RRM2: variants seen among roughly 807,000 people sequenced by gnomAD.
RRM2 encodes the protein ribonucleoside-diphosphate reductase subunit M2.
RRM2 carries 6 observed loss-of-function variants against 45.9 expected under a neutral mutation model. The ratio of observed to expected loss-of-function variants is 0.13; its 90% CI spans 0.07 to 0.26. RRM2 has a LOEUF of 0.26. RRM2 is among the 10% of genes least tolerant of loss of function. The pLI, the probability that RRM2 is intolerant of heterozygous loss-of-function variation, is 1.00. For synonymous variants in RRM2, 177 were observed against 173.0 expected, an observed-to-expected ratio of 1.02 and a Z score of -0.18; for missense variants, 343 against 489.5, an observed-to-expected ratio of 0.70 and a Z score of 2.82.
At position 10,206,344 on chromosome 2, in the gene RRM2, A is replaced by G. The variant is rs1264295750; in HGVS notation, n.483-3967A>G. ...AAGAAATGAAAAGGTATCTATCTGC[A>G]TAAAAAGACTTGAATAAGATTTTTC... On this transcript the variant is annotated intron_variant and non_coding_transcript_variant, in intron 3 of 3. Coordinates refer to the RRM2 transcript ENST00000381786. 3.3e-5 allele frequency among the ~76,000 whole-genome samples: 5 copies of G among 152,174 alleles called. No individual in the cohort carries two copies. The South Asian group carries it at 1.0e-3, about 31-fold the overall frequency.
intron 3 of RRM2, among the ~76,000 whole-genome samples, chr2:10,143,722 C>T (rs1376730017): frequency 6.6e-6 from 1 of 152,050 alleles, no homozygotes; most frequent in Non-Finnish European, 1.5e-5. Context: ...CCAGGTGGTA[C>T]AGTGGTACGA....
At chr2:10,161,908 A>G (rs1225343080) in intron 3 of RRM2, among the ~76,000 whole-genome samples, 2 of 152,332 alleles carry the variant, frequency 1.3e-5, no homozygotes, top group East Asian at 3.9e-4. Context: ...GAGGCGCTCA[A>G]ATTAAAATTA....
chr2:10,174,881 A>G (rs1043369496), intron 3 of RRM2, among the ~76,000 whole-genome samples: 1 of 151,756 alleles, frequency 6.6e-6, no homozygotes, highest in African/African-American at 2.4e-5. Context: ...AAAAAAAAAA[A>G]AAGAAAAAAT....
intron 3 of RRM2, among the ~76,000 whole-genome samples, chr2:10,190,089 A>G (rs113097212): frequency 6.0e-5 from 7 of 116,654 alleles, no homozygotes; most frequent in African/African-American, 6.7e-5. Context: ...GGTGGTGGTG[A>G]TGGTACTGAT....
rs1166352726 is a variant in RRM2, at chr2:10,172,212, C to CT, written n.482+29838dup. ...TTGCAAGGGGTGAGATTTCTCTGCT[C>CT]TAAGTCATGGGTGCTGAGGCCCACC... On this transcript the variant is annotated intron_variant and non_coding_transcript_variant, in intron 3 of 3. Transcript: ENST00000381786. The surrounding 1 kb of genome is among the most constrained non-coding windows in gnomAD (Gnocchi z 4.9). Among the ~76,000 whole-genome samples, 1 of 152,084 alleles carries CT rather than the reference C, an allele frequency of 6.6e-6. No individual in the cohort carries two copies. Among genetic ancestry groups the CT allele is most frequent in the Non-Finnish European group, 1.5e-5 (1 of 68,026 alleles).
intron 3 of RRM2, among the ~76,000 whole-genome samples, chr2:10,199,734 C>T (rs900320304): frequency 1.8e-4 from 23 of 129,266 alleles, no homozygotes; most frequent in African/African-American, 4.3e-4. Context: ...GAACTGAGAT[C>T]GTGCCACTGC....
chr2:10,128,966 T>A lies in RRM2; in HGVS notation c.903+14T>A, dbSNP rs562648012. 3 of 1,609,890 alleles carry A rather than the reference T, an allele frequency of 1.9e-6. No individual in the cohort carries two copies. In the East Asian group the frequency reaches 6.7e-5, roughly 36 times the overall value. On this transcript the variant is annotated intron_variant, in intron 8 of 9. Coordinates refer to ENST00000304567, the MANE Select transcript of RRM2 (RefSeq NM_001034.4). ...CGGATAGAACAGGTAAAGTGGGTGATGAAATGGGTCACTCAAGCTTGCTAG... is the reference window on the plus strand; with the variant it reads ...CGGATAGAACAGGTAAAGTGGGTGAAGAAATGGGTCACTCAAGCTTGCTAG...
At chr2:10,144,795 G>T (rs116278128) in intron 3 of RRM2, among the ~76,000 whole-genome samples, 1 of 152,144 alleles carries the variant, frequency 6.6e-6, no homozygotes, top group African/African-American at 2.4e-5. Context: ...TGCACTTGCC[G>T]TCAGTAAATG....
intron 3 of RRM2, among the ~76,000 whole-genome samples, chr2:10,177,681 T>TCCTTCCTC (rs1663947182): frequency 6.7e-6 from 1 of 148,732 alleles, no homozygotes; most frequent in South Asian, 2.1e-4. Context: ...CTTCCTTCCT[T>TCCTTCCTC]CCTTCCTTCC....
intron 3 of RRM2, among the ~76,000 whole-genome samples, chr2:10,178,993 G>A (rs1309859573): frequency 1.3e-5 from 2 of 152,166 alleles, no homozygotes; most frequent in African/African-American, 2.4e-5. Flanking sequence ...CCAGAGCTGT[G>A]AGCAATAAGT....
chr2:10,161,567 CTATT>C (rs1663555454), intron 3 of RRM2, among the ~76,000 whole-genome samples: 1 of 152,086 alleles, frequency 6.6e-6, no homozygotes, highest in Non-Finnish European at 1.5e-5. Context: ...AATACATACA[CTATT>C]TAAAAACACT....
rs1021981095 is a variant in RRM2 at position 10,169,466 on chromosome 2, G to A, written n.482+27091G>A. ...GATGTCCTCTGGTGCCAACGCAACAGAGAAGCCAGCAAAATGCTCTGCATG... is the reference window on the plus strand; with the variant it reads ...GATGTCCTCTGGTGCCAACGCAACAAAGAAGCCAGCAAAATGCTCTGCATG... On this transcript the variant is annotated intron_variant and non_coding_transcript_variant, in intron 3 of 3. Coordinates refer to the RRM2 transcript ENST00000381786. The surrounding 1 kb of genome is among the most constrained non-coding windows in gnomAD (Gnocchi z 5.1). Among the ~76,000 whole-genome samples, 5 of 152,194 alleles carry A rather than the reference G, an allele frequency of 3.3e-5. No homozygotes were observed. Among genetic ancestry groups the A allele is most frequent in the African/African-American group, 1.2e-4 (5 of 41,444 alleles).
chr2:10,138,935 C>T (rs1216640079), upstream of RRM2, among the ~76,000 whole-genome samples: 1 of 152,060 alleles, frequency 6.6e-6, no homozygotes, highest in East Asian at 1.9e-4. Context: ...TGGTGAAACC[C>T]CATCTCTACT....
At chr2:10,202,598 G>A (rs112652813) in intron 3 of RRM2, among the ~76,000 whole-genome samples, 3,165 of 151,742 alleles carry the variant, frequency 0.021, 116 homozygotes, top group African/African-American at 0.072. Flanking sequence ...GGGGTGAGAA[G>A]GTTTCTGGTC....
intron 3 of RRM2, chr2:10,192,479 G>GTC (rs773264739): frequency 6.5e-5 from 10 of 154,494 alleles, no homozygotes; most frequent in Admixed American, 2.6e-4. Context: ...CAGGACAGAG[G>GTC]TCTCTCTGCC....
intron 3 of RRM2, among the ~76,000 whole-genome samples, chr2:10,175,778 TA>T (rs1456102685): frequency 1.3e-5 from 2 of 150,744 alleles, no homozygotes; most frequent in African/African-American, 2.4e-5. Flanking sequence ...TTTTTTTTGA[TA>T]TTTTTTAATA....
upstream of RRM2, among the ~76,000 whole-genome samples, chr2:10,138,586 C>A (rs187222427): frequency 6.6e-6 from 1 of 151,862 alleles, no homozygotes; most frequent in Non-Finnish European, 1.5e-5. Context: ...CAGGTGTGAG[C>A]CACTGCACCC....
At chr2:10,177,868 C>T (rs1252966750) in intron 3 of RRM2, among the ~76,000 whole-genome samples, 18 of 152,026 alleles carry the variant, frequency 1.2e-4, no homozygotes, top group African/African-American at 3.9e-4. Flanking sequence ...GTGATCCACC[C>T]GCCTCAGCCT....
At chr2:10,176,318 G>A (rs1663912729) in intron 3 of RRM2, among the ~76,000 whole-genome samples, 1 of 151,994 alleles carries the variant, frequency 6.6e-6, no homozygotes, top group South Asian at 2.1e-4. Flanking sequence ...GCCCAGGCTG[G>A]AGTGCAATGG....
Sources: gnomAD v4.1 joint callset for allele counts (sites outside exome capture counted in the v4.1 genomes callset) on GRCh38, gnomAD v4.1.1 for gene constraint, Gnocchi (gnomAD v3.1) non-coding constraint, MANE v1.5 for transcripts, NCBI Gene and HGNC (gene_info 2026-07-23, HGNC 2026-07-21) for gene names.